The following CNTNAP2 variants were observed in gnomAD, a reference collection of about 807,000 sequenced individuals.
CNTNAP2 encodes the protein contactin-associated protein-like 2.
In CNTNAP2, 98 loss-of-function variants were observed where a neutral mutation model predicts 155.2. The observed-to-expected ratio is 0.63, with a 90% confidence interval of 0.54 to 0.75. CNTNAP2 has a LOEUF of 0.75. Ranked by LOEUF, CNTNAP2 falls within the 30% of genes least tolerant of loss-of-function variation. The probability of loss-of-function intolerance (pLI) is 0.00; values close to 1 mark genes in which losing one functional copy is unlikely to be tolerated. For synonymous variants in CNTNAP2, 651 were observed against 631.2 expected (o/e 1.03, Z -0.47); for missense variants, 1,727 against 1,688.1 (o/e 1.02, Z -0.40).
At chr7:148,261,715 C>T (rs1796565594) in intron 20 of CNTNAP2, among the ~76,000 whole-genome samples, 2 of 152,072 alleles carry the variant, frequency 1.3e-5, no homozygotes, top group African/African-American at 4.8e-5. Flanking sequence ...TGAGGGGCTA[C>T]CAGGGCGGTT....
chr7:147,342,773 G>A (rs1563167666), intron 9 of CNTNAP2, among the ~76,000 whole-genome samples: 1 of 152,070 alleles, frequency 6.6e-6, no homozygotes, highest in Non-Finnish European at 1.5e-5. Flanking sequence ...GTAATGAAAT[G>A]TGATCCTAAA....
At chr7:146,731,685 A>G (rs2129179507) in intron 1 of CNTNAP2, among the ~76,000 whole-genome samples, 2 of 152,284 alleles carry the variant, frequency 1.3e-5, no homozygotes, top group South Asian at 4.1e-4. Context: ...CAAGAAACTT[A>G]AAACAGCACG....
At chr7:148,401,905 C>T (rs1373717310) in intron 22 of CNTNAP2, among the ~76,000 whole-genome samples, 1 of 152,156 alleles carries the variant, frequency 6.6e-6, no homozygotes, top group Non-Finnish European at 1.5e-5. Flanking sequence ...GCCTAATGAG[C>T]TATTTTCAAT....
At chr7:147,975,231 C>T (rs1801409125) in intron 14 of CNTNAP2, among the ~76,000 whole-genome samples, 1 of 151,932 alleles carries the variant, frequency 6.6e-6, no homozygotes, top group Non-Finnish European at 1.5e-5. Flanking sequence ...ATTCCATGCA[C>T]ATAAAGGTCA....
intron 8 of CNTNAP2, among the ~76,000 whole-genome samples, chr7:147,178,502 T>C (rs1352701132): frequency 6.6e-6 from 1 of 152,206 alleles, no homozygotes; most frequent in African/African-American, 2.4e-5. Context: ...ATAATGAATG[T>C]GTGTTGTTTT....
chr7:148,149,533 A>T (rs1175800325), intron 17 of CNTNAP2, among the ~76,000 whole-genome samples: 2 of 152,226 alleles, frequency 1.3e-5, no homozygotes, highest in Non-Finnish European at 1.5e-5. Context: ...TGAGTAAAAT[A>T]AGGCTAGAAA....
At chr7:148,341,876 G>A (rs918093376) in intron 21 of CNTNAP2, among the ~76,000 whole-genome samples, 5 of 152,148 alleles carry the variant, frequency 3.3e-5, no homozygotes, top group African/African-American at 1.2e-4. Context: ...CTCTAATTTA[G>A]TGAGAAGGTG....
chr7:148,300,955 A>C (rs900207303), intron 21 of CNTNAP2, among the ~76,000 whole-genome samples: 16 of 152,126 alleles, frequency 1.1e-4, no homozygotes, highest in African/African-American at 2.7e-4. Context: ...GTGATGGTGC[A>C]CAACAATGTG....
chr7:147,825,217 A>G (rs759673714), intron 13 of CNTNAP2, among the ~76,000 whole-genome samples: 1 of 152,184 alleles, frequency 6.6e-6, no homozygotes, highest in Admixed American at 6.6e-5. Context: ...GAGGCAAACA[A>G]TATATACTTA....
At chr7:146,422,102 T>G (rs1471745029) in intron 1 of CNTNAP2, among the ~76,000 whole-genome samples, 1 of 151,508 alleles carries the variant, frequency 6.6e-6, no homozygotes, top group Admixed American at 6.6e-5. Context: ...AAATTAATTC[T>G]TATCTCAATA....
intron 13 of CNTNAP2, among the ~76,000 whole-genome samples, chr7:147,742,765 A>G (rs1356582974): frequency 1.2e-4 from 18 of 152,230 alleles, no homozygotes; most frequent in Admixed American, 1.1e-3. Context: ...GCCCCTTCTC[A>G]GGAATAGACA....
At chr7:147,613,362 G>C (rs10254989) in intron 12 of CNTNAP2, among the ~76,000 whole-genome samples, 1 of 151,982 alleles carries the variant, frequency 6.6e-6, no homozygotes, top group Non-Finnish European at 1.5e-5. Flanking sequence ...ACTTGTAGAA[G>C]TTCTTTATGT....
chr7:148,133,191 G>A (rs1222612633), intron 16 of CNTNAP2, among the ~76,000 whole-genome samples: 7 of 152,084 alleles, frequency 4.6e-5, no homozygotes, highest in South Asian at 2.1e-4. Flanking sequence ...GGTCGGTCAC[G>A]GTGGCTCACG....
intron 1 of CNTNAP2, among the ~76,000 whole-genome samples, chr7:146,556,429 AG>A (rs1798198830): frequency 6.6e-6 from 1 of 152,168 alleles, no homozygotes; most frequent in Non-Finnish European, 1.5e-5. Flanking sequence ...TTCTGATAGG[AG>A]GGGTAATAAC....
chr7:147,322,601 G>A (rs1443604108), intron 9 of CNTNAP2, among the ~76,000 whole-genome samples: 1 of 149,042 alleles, frequency 6.7e-6, no homozygotes, highest in East Asian at 2.0e-4. Context: ...AAATGAGTTA[G>A]GGAGGATTCC....
At chr7:147,617,725 T>C (rs1445045614) in intron 12 of CNTNAP2, among the ~76,000 whole-genome samples, 1 of 152,154 alleles carries the variant, frequency 6.6e-6, no homozygotes, top group African/African-American at 2.4e-5. Flanking sequence ...TATCTCTTAG[T>C]ATTGTTTGGT....
At chr7:148,365,132 G>A (rs1311243091) in intron 21 of CNTNAP2, among the ~76,000 whole-genome samples, 3 of 152,152 alleles carry the variant, frequency 2.0e-5, no homozygotes, top group African/African-American at 7.2e-5. Context: ...CTGGCTCAGA[G>A]CTCAAATGTA....
At chr7:146,417,441 G>T (rs1022429651) in intron 1 of CNTNAP2, among the ~76,000 whole-genome samples, 1 of 152,130 alleles carries the variant, frequency 6.6e-6, no homozygotes, top group Non-Finnish European at 1.5e-5. Context: ...CTCAAAGGCA[G>T]CATGTTTATG....
intron 3 of CNTNAP2, among the ~76,000 whole-genome samples, chr7:146,944,371 C>T (rs1797115082): frequency 6.6e-6 from 1 of 151,726 alleles, no homozygotes; most frequent in Non-Finnish European, 1.5e-5. Flanking sequence ...TTATCAAGCA[C>T]ATTTATTATG....
Sources: gnomAD v4.1 joint callset for allele counts (sites outside exome capture counted in the v4.1 genomes callset) on GRCh38, gnomAD v4.1.1 for gene constraint, MANE v1.5 for transcripts, NCBI Gene and HGNC (gene_info 2026-07-23, HGNC 2026-07-21) for gene names.